The following FHIT variants were observed in gnomAD, a reference collection of about 807,000 sequenced individuals.
The protein encoded by FHIT is fragile histidine triad diadenosine triphosphatase.
A neutral mutation model predicts 17.9 loss-of-function variants in FHIT; 19 were observed. The observed-to-expected ratio is 1.06, with a 90% CI of 0.74 to 1.56. The LOEUF (loss-of-function observed/expected upper bound fraction) is 1.56. Ranked by LOEUF, FHIT falls within the 40% of genes most tolerant of loss-of-function variation. The pLI is 0.00. For synonymous variants in FHIT, 81 were observed against 69.7 expected (o/e 1.16, Z -0.81); for missense variants, 248 against 189.2 (o/e 1.31, Z -1.82).
intron 5 of FHIT, among the ~76,000 whole-genome samples, chr3:60,261,420 C>T: frequency 6.6e-6 from 1 of 152,102 alleles, no homozygotes; most frequent in Middle Eastern, 3.4e-3. Flanking sequence ...TCAAAATACA[C>T]TATAATTATC....
chr3:60,773,351 ATCTCCCT>A (rs1700109140), intron 4 of FHIT, among the ~76,000 whole-genome samples: 1 of 149,138 alleles, frequency 6.7e-6, no homozygotes, highest in Non-Finnish European at 1.5e-5. Context: ...AAGCCCAAAC[ATCTCCCT>A]AGACTTCATC....
chr3:60,658,769 GA>G lies in FHIT; in HGVS notation c.-17-121791del, dbSNP rs1274694030. ...AAAAAAATTAGTCTCATATCATGTAGAAAAAAAATGGAGTTAACAAAGCATT... is the reference window on the plus strand; with the variant it reads ...AAAAAAATTAGTCTCATATCATGTAGAAAAAAATGGAGTTAACAAAGCATT... On this transcript the variant is annotated intron_variant, in intron 4 of 9. Transcript: ENST00000492590. Among the ~76,000 whole-genome samples, 262 of 151,702 alleles carry G rather than the reference GA, an allele frequency of 1.7e-3. 1 individual carries two copies. Among genetic ancestry groups the G allele is most frequent in the Middle Eastern group, 3.4e-3 (1 of 292 alleles).
At chr3:60,544,713 C>T (rs1313242397) in intron 4 of FHIT, among the ~76,000 whole-genome samples, 1 of 151,676 alleles carries the variant, frequency 6.6e-6, no homozygotes, top group Non-Finnish European at 1.5e-5. Context: ...TCTCCTGCCT[C>T]AGCCTCCCAA....
In FHIT at chr3:61,048,551, A is replaced by G. The variant is rs1252770584; in HGVS notation, c.-163-6452T>C. On this transcript the variant is annotated intron_variant, in intron 2 of 9. Transcript: ENST00000492590. ...GGTGGGACTGTAAACTAGTGCAACC[A>G]TTGTGGAAGACAGTGTGGCAATTCC... Among the ~76,000 whole-genome samples, 7 of 152,332 alleles carry G rather than the reference A, an allele frequency of 4.6e-5. 1 individual carries two copies. In the East Asian group the frequency reaches 9.7e-4, roughly 21 times the overall value.
At chr3:60,090,489 C>A (rs879800093) in intron 5 of FHIT, among the ~76,000 whole-genome samples, 1 of 152,118 alleles carries the variant, frequency 6.6e-6, no homozygotes. Context: ...ATTTTCTTTA[C>A]GTGATTGATG....
At chr3:61,219,429 A>G (rs1485894711) in intron 1 of FHIT, among the ~76,000 whole-genome samples, 6 of 152,066 alleles carry the variant, frequency 3.9e-5, no homozygotes, top group Non-Finnish European at 5.9e-5. Context: ...GTTCCAGAGT[A>G]TAGATATCTA....
At chr3:59,793,266 A>C (rs1338636247) in intron 8 of FHIT, among the ~76,000 whole-genome samples, 1 of 152,218 alleles carries the variant, frequency 6.6e-6, no homozygotes, top group African/African-American at 2.4e-5. Context: ...AGGTCATTAA[A>C]AATGCAGTAG....
At chr3:60,178,551 A>T (rs1415023152) in intron 5 of FHIT, among the ~76,000 whole-genome samples, 1 of 151,866 alleles carries the variant, frequency 6.6e-6, no homozygotes, top group Non-Finnish European at 1.5e-5. Flanking sequence ...ATACCACTGC[A>T]CTCCAGCCTG....
chr3:60,842,167 C>T (rs1288745922), intron 3 of FHIT, among the ~76,000 whole-genome samples: 3 of 152,108 alleles, frequency 2.0e-5, no homozygotes, highest in African/African-American at 7.2e-5. Context: ...TCACGGATAA[C>T]CCTACAGTTG....
intron 4 of FHIT, among the ~76,000 whole-genome samples, chr3:60,686,917 G>A (rs942830776): frequency 3.3e-5 from 5 of 152,140 alleles, no homozygotes; most frequent in Non-Finnish European, 7.4e-5. Context: ...CGAGAATCTT[G>A]CTGCCTTTGT....
At chr3:60,301,221 A>C (rs941728296) in intron 5 of FHIT, among the ~76,000 whole-genome samples, 1 of 152,158 alleles carries the variant, frequency 6.6e-6, no homozygotes, top group African/African-American at 2.4e-5. Flanking sequence ...CATAATAGGA[A>C]AATAATTATG....
At chr3:61,080,127 G>A (rs1382277655) in intron 2 of FHIT, among the ~76,000 whole-genome samples, 1 of 152,070 alleles carries the variant, frequency 6.6e-6, no homozygotes, top group Admixed American at 6.6e-5. Flanking sequence ...GGCTGATTTG[G>A]TAAGTTTTAG....
intron 4 of FHIT, among the ~76,000 whole-genome samples, chr3:60,727,396 T>C (rs782737762): frequency 6.6e-6 from 1 of 152,144 alleles, no homozygotes; most frequent in African/African-American, 2.4e-5. Flanking sequence ...AAGAAAGAGA[T>C]AGGGAAGCCA....
intron 8 of FHIT, among the ~76,000 whole-genome samples, chr3:59,794,179 C>G (rs1204070132): frequency 6.6e-6 from 1 of 152,186 alleles, no homozygotes; most frequent in African/African-American, 2.4e-5. Context: ...AGAACATCTG[C>G]AATTCTCTAG....
chr3:60,283,833 C>G (rs1373493609), intron 5 of FHIT, among the ~76,000 whole-genome samples: 1 of 151,904 alleles, frequency 6.6e-6, no homozygotes, highest in Non-Finnish European at 1.5e-5. Context: ...AAAAAGGAGA[C>G]TATGGGCCAA....
chr3:60,640,129 G>A (rs2039689714), intron 4 of FHIT, among the ~76,000 whole-genome samples: 1 of 152,190 alleles, frequency 6.6e-6, no homozygotes, highest in Non-Finnish European at 1.5e-5. Context: ...AGAGCTGGGA[G>A]TGACAGAAGG....
chr3:60,412,486 T>C (rs1702098569), intron 5 of FHIT, among the ~76,000 whole-genome samples: 1 of 152,100 alleles, frequency 6.6e-6, no homozygotes, highest in African/African-American at 2.4e-5. Context: ...CATTTCCCTC[T>C]CTCTGCAGAT....
intron 3 of FHIT, among the ~76,000 whole-genome samples, chr3:60,909,809 C>T (rs969525112): frequency 6.6e-6 from 1 of 152,084 alleles, no homozygotes; most frequent in Non-Finnish European, 1.5e-5. Context: ...TGCCTAGTAC[C>T]TTTCATTTAA....
chr3:60,855,773 T>C (rs899260870), intron 3 of FHIT, among the ~76,000 whole-genome samples: 1 of 152,102 alleles, frequency 6.6e-6, no homozygotes, highest in Admixed American at 6.6e-5. Context: ...TAGTGTTCTG[T>C]AGTGTACTTT....
Sources: allele counts gnomAD v4.1 joint callset (sites outside exome capture counted in the v4.1 genomes callset), GRCh38; gene constraint gnomAD v4.1.1; transcripts MANE v1.5; gene names NCBI Gene and HGNC (gene_info 2026-07-23, HGNC 2026-07-21).